Variants in CACNA1E observed in about 807,000 individuals in gnomAD.
CACNA1E encodes the protein voltage-dependent R-type calcium channel subunit alpha-1E.
CACNA1E carries 40 observed loss-of-function variants against 259.2 expected under a neutral mutation model. The observed-to-expected ratio is 0.15, with a 90% CI of 0.12 to 0.20. The LOEUF (loss-of-function observed/expected upper bound fraction) is 0.20, where lower values mean the gene tolerates loss of function less well. Ranked by LOEUF, CACNA1E falls within the 10% of genes least tolerant of loss-of-function variation. The pLI, the probability that CACNA1E is intolerant of heterozygous loss-of-function variation, is 1.00. For synonymous variants in CACNA1E, 1,104 were observed against 1,138.5 expected (o/e 0.97, Z 0.61); for missense variants, 1,874 against 3,040.1 (o/e 0.62, Z 9.02).
At chr1:181,775,942 C>T (rs1457033419) in intron 37 of CACNA1E, among the ~76,000 whole-genome samples, 159 bp from the exon 38 acceptor site, 1 of 152,166 alleles carries the variant, frequency 6.6e-6, no homozygotes, top group East Asian at 1.9e-4. Flanking sequence ...CCAGCTGCTC[C>T]GCCCTCCTTG....
Position 181,644,216 on chromosome 1 carries a change from T to C in CACNA1E, c.952-7122T>C, listed in dbSNP as rs1452259110. 3.3e-5 allele frequency among the ~76,000 whole-genome samples: 5 copies of C among 152,260 alleles called. No individual in the cohort carries two copies. The East Asian group carries it at 5.8e-4, about 18-fold the overall frequency. On this transcript the variant is annotated intron_variant, in intron 6 of 47. Transcript: ENST00000367573. ...GTATGGGTAGGATTGCTTTTAAGAGTTCTGGAACTAAAGCAGACATGAAGA... is the reference window on the plus strand; with the variant it reads ...GTATGGGTAGGATTGCTTTTAAGAGCTCTGGAACTAAAGCAGACATGAAGA...
intron 2 of CACNA1E, among the ~76,000 whole-genome samples, chr1:181,428,693 A>G (rs1659487353): frequency 6.6e-6 from 1 of 152,074 alleles, no homozygotes; most frequent in Non-Finnish European, 1.5e-5. Flanking sequence ...TGTTGGGTGT[A>G]GTTGTCTCAG....
intron 25 of CACNA1E, among the ~76,000 whole-genome samples, chr1:181,748,599 A>T (rs1188033727): frequency 1.3e-5 from 2 of 152,212 alleles, no homozygotes; most frequent in East Asian, 3.9e-4. Flanking sequence ...CCATATATTG[A>T]TCTCCCACCC....
At chr1:181,599,661 G>A (rs746577679) in intron 6 of CACNA1E, among the ~76,000 whole-genome samples, 1 of 152,196 alleles carries the variant, frequency 6.6e-6, no homozygotes, top group African/African-American at 2.4e-5. Flanking sequence ...CCAGAACCTT[G>A]CATATCGTGT....
chr1:181,581,674 C>A (rs948581943), intron 6 of CACNA1E, among the ~76,000 whole-genome samples: 2 of 152,094 alleles, frequency 1.3e-5, no homozygotes, highest in Non-Finnish European at 2.9e-5. Context: ...ACTCTATGCT[C>A]AAAAATGAGA....
intron 3 of CACNA1E, among the ~76,000 whole-genome samples, chr1:181,569,135 C>T (rs1011960873): frequency 2.0e-5 from 3 of 152,236 alleles, no homozygotes; most frequent in Admixed American, 6.5e-5. Context: ...CCTGACCTTT[C>T]GCTTATCATA....
At chr1:181,648,525 G>A (rs568734559) in intron 6 of CACNA1E, among the ~76,000 whole-genome samples, 1 of 152,290 alleles carries the variant, frequency 6.6e-6, no homozygotes, top group African/African-American at 2.4e-5. Context: ...AATAAACAAG[G>A]TAAATAATGT....
Position 181,520,674 on chromosome 1 carries a change from T to C in CACNA1E, c.512+9164T>C, listed in dbSNP as rs567644996. Among the ~76,000 whole-genome samples, 15 of 152,318 alleles carry C rather than the reference T, an allele frequency of 9.8e-5. No individual in the cohort carries two copies. The South Asian group carries it at 2.5e-3, about 25-fold the overall frequency. ...CATATCGCACATAGGATGTATCTTATTTCCTATCAGCAGCATATCTAATTT... is the reference window on the plus strand; with the variant it reads ...CATATCGCACATAGGATGTATCTTACTTCCTATCAGCAGCATATCTAATTT... On this transcript the variant is annotated intron_variant, in intron 3 of 47. Coordinates refer to ENST00000367573, the MANE Select transcript of CACNA1E (RefSeq NM_001205293.3).
At chr1:181,340,872 A>G (rs1652090240) in intron 1 of CACNA1E, among the ~76,000 whole-genome samples, 1 of 152,220 alleles carries the variant, frequency 6.6e-6, no homozygotes, top group African/African-American at 2.4e-5. Context: ...AGGCCCATCA[A>G]TATCATCTTA....
At chr1:181,442,481 A>G (rs1379890259) in intron 2 of CACNA1E, among the ~76,000 whole-genome samples, 1 of 150,896 alleles carries the variant, frequency 6.6e-6, no homozygotes, top group Non-Finnish European at 1.5e-5. Flanking sequence ...AAGGGCACAG[A>G]TGTGAAGGAC....
intron 3 of CACNA1E, among the ~76,000 whole-genome samples, chr1:181,558,499 C>T (rs929550352): frequency 6.6e-6 from 1 of 152,100 alleles, no homozygotes; most frequent in Non-Finnish European, 1.5e-5. Flanking sequence ...GGGAAACCTT[C>T]CTGAAGCAAG....
chr1:181,569,718 A>T (rs1328193421), intron 3 of CACNA1E, among the ~76,000 whole-genome samples: 2 of 152,182 alleles, frequency 1.3e-5, no homozygotes, highest in Non-Finnish European at 2.9e-5. Flanking sequence ...GAGTCCAACT[A>T]ATCTGCAATT....
intron 7 of CACNA1E, among the ~76,000 whole-genome samples, chr1:181,681,904 G>A (rs1485697156): frequency 6.6e-6 from 1 of 152,198 alleles, no homozygotes; most frequent in Non-Finnish European, 1.5e-5. Context: ...CAGGGATGGG[G>A]AAGCAGCTTC....
chr1:181,647,541 A>G (rs1041687217), intron 6 of CACNA1E, among the ~76,000 whole-genome samples: 1 of 152,166 alleles, frequency 6.6e-6, no homozygotes. Flanking sequence ...TCTGTGGTTG[A>G]ACTGGCAGCT....
chr1:181,443,268 C>T (rs1169133585), intron 2 of CACNA1E, among the ~76,000 whole-genome samples: 1 of 152,248 alleles, frequency 6.6e-6, no homozygotes, highest in Non-Finnish European at 1.5e-5. Flanking sequence ...GTGGACAGAA[C>T]TGTACAGCCT....
chr1:181,613,696 A>G (rs1490581624), intron 6 of CACNA1E, among the ~76,000 whole-genome samples: 10 of 152,170 alleles, frequency 6.6e-5, no homozygotes, highest in Non-Finnish European at 1.2e-4. Context: ...CATTTGCACA[A>G]AACAGTAGAG....
At chr1:181,734,080 C>T (rs1655795986) in intron 21 of CACNA1E, among the ~76,000 whole-genome samples, 1 of 152,132 alleles carries the variant, frequency 6.6e-6, no homozygotes, top group Admixed American at 6.5e-5. Flanking sequence ...TGGGGTCTCC[C>T]AGGTGCTCTG....
intron 1 of CACNA1E, among the ~76,000 whole-genome samples, chr1:181,409,196 G>A (rs572058856): frequency 6.6e-6 from 1 of 152,248 alleles, no homozygotes; most frequent in African/African-American, 2.4e-5. Flanking sequence ...TGTGTGGCAC[G>A]CAAAGCTCAA....
chr1:181,474,481 C>A (rs996524685), intron 2 of CACNA1E, among the ~76,000 whole-genome samples: 1 of 152,212 alleles, frequency 6.6e-6, no homozygotes, highest in Non-Finnish European at 1.5e-5. Flanking sequence ...TGTCTGAAAA[C>A]TTCCCGTAGC....
Sources: gnomAD v4.1 joint callset for allele counts (sites outside exome capture counted in the v4.1 genomes callset) on GRCh38, gnomAD v4.1.1 for gene constraint, MANE v1.5 for transcripts, NCBI Gene and HGNC (gene_info 2026-07-23, HGNC 2026-07-21) for gene names.